Variants in RHOH observed in about 807,000 individuals in gnomAD.
RHOH encodes the protein ras homolog family member H, also known as rho-related GTP-binding protein RhoH.
A neutral mutation model predicts 13.8 loss-of-function variants in RHOH; 6 were observed. The observed-to-expected ratio is 0.44, with a 90% CI of 0.24 to 0.86. RHOH has a LOEUF of 0.86. Ranked by LOEUF, RHOH falls within the 40% of genes least tolerant of loss-of-function variation. RHOH has a pLI of 0.24. For synonymous variants in RHOH, 117 were observed against 103.0 expected (o/e 1.14, Z -0.82); for missense variants, 147 against 244.5 (o/e 0.60, Z 2.66).
At chr4:40,237,290 T>C (rs1479665311) in intron 1 of RHOH, among the ~76,000 whole-genome samples, 1 of 151,978 alleles carries the variant, frequency 6.6e-6, no homozygotes, top group Non-Finnish European at 1.5e-5. Context: ...CCTTCTCTAC[T>C]AAAAAATACA....
intron 1 of RHOH, among the ~76,000 whole-genome samples, chr4:40,197,830 T>C (rs996494503): frequency 6.6e-6 from 1 of 152,238 alleles, no homozygotes; most frequent in Non-Finnish European, 1.5e-5. Context: ...TTAATTAAAT[T>C]TAATCTTTCT....
upstream of RHOH, among the ~76,000 whole-genome samples, chr4:40,193,387 T>A (rs2109326201): frequency 6.6e-6 from 1 of 152,238 alleles, no homozygotes; most frequent in East Asian, 1.9e-4. Context: ...TGGGTGCGTG[T>A]ATGTCTGTGA....
At chr4:40,219,076 G>T (rs923039117) in intron 1 of RHOH, among the ~76,000 whole-genome samples, 2 of 152,120 alleles carry the variant, frequency 1.3e-5, no homozygotes, top group Admixed American at 1.3e-4. Flanking sequence ...AGTGAGAAAG[G>T]CATCATGGAG....
At chr4:40,201,958 T>TTTTTTTTTTTTTTTTTTTTG (rs1560682981) in intron 1 of RHOH, among the ~76,000 whole-genome samples, 1 of 150,646 alleles carries the variant, frequency 6.6e-6, no homozygotes, top group Non-Finnish European at 1.5e-5. Flanking sequence ...TTTTTTTTTT[T>TTTTTTTTTTTTTTTTTTTTG]TTTTTTTTTT....
chr4:40,234,166 A>G (rs1435961548), intron 1 of RHOH, among the ~76,000 whole-genome samples: 1 of 111,500 alleles, frequency 9.0e-6, no homozygotes, highest in Admixed American at 1.0e-4. Flanking sequence ...TGGATACCCA[A>G]CTGAGAAAAC....
At chr4:40,240,972 TATA>T (rs1421098357) in intron 1 of RHOH, among the ~76,000 whole-genome samples, 3 of 151,692 alleles carry the variant, frequency 2.0e-5, no homozygotes, top group African/African-American at 4.8e-5. Flanking sequence ...GCCTGAACAA[TATA>T]ATGAGACCCC....
chr4:40,203,043 C>T (rs1724204185), intron 1 of RHOH, among the ~76,000 whole-genome samples: 1 of 152,064 alleles, frequency 6.6e-6, no homozygotes, highest in African/African-American at 2.4e-5. Flanking sequence ...ATGATCTTGG[C>T]TCACTGCAAG....
At chr4:40,206,599 T>G (rs1724670911) in intron 1 of RHOH, among the ~76,000 whole-genome samples, 1 of 152,190 alleles carries the variant, frequency 6.6e-6, no homozygotes, top group Admixed American at 6.5e-5. Context: ...GAAAATTATA[T>G]CAATAGTAGT....
rs767409335 is a variant in RHOH at position 40,243,717 on chromosome 4, G to C, written c.331G>C (p.Val111Leu). 3.7e-6 allele frequency: 6 copies of C among 1,614,178 alleles called. No individual in the cohort carries two copies. Among genetic ancestry groups the C allele is most frequent in the Middle Eastern group, 1.6e-4 (1 of 6,062 alleles). ...TAGGAGCAACTTGCCCTGTACCCCT[G>C]TGCTGGTGGTGGCCACCCAGACTGA... The part of the protein sequence containing the change: ...EIRSNLPCTP[V>L]LVVATQTDQR... The change falls in exon 3 of 3, where the codon GTG becomes CTG. Residue 111 changes from valine (V) to leucine (L), a missense_variant. Val to Leu is a conservative substitution (Grantham distance 32, BLOSUM62 1). Around this residue, in one of 3 missense-constraint regions of RHOH, gnomAD observed 80 missense variants for 152.0 expected, o/e 0.53. Transcript: ENST00000381799. This position sits in a 1 kb window ranked among gnomAD's most constrained non-coding sequence, Gnocchi z 6.2.
intron 1 of RHOH, among the ~76,000 whole-genome samples, chr4:40,198,662 G>T (rs1180289908): frequency 6.6e-6 from 1 of 152,162 alleles, no homozygotes; most frequent in Non-Finnish European, 1.5e-5. Context: ...GGTTCGTGTG[G>T]CTCGGGGTAC....
intron 1 of RHOH, among the ~76,000 whole-genome samples, chr4:40,217,185 CG>C (rs1725991774): frequency 6.6e-6 from 1 of 152,124 alleles, no homozygotes; most frequent in African/African-American, 2.4e-5. Context: ...GCAGGAGGGT[CG>C]GGGTCTTGGA....
rs905668916 is a variant in RHOH, at chr4:40,218,437, A to G, written c.-331+21137A>G. ...CAGGGGCTACTGAACACAGTCTTGG[A>G]AATCAGACACGTGCTAGGGCCCCCT... On this transcript the variant is annotated intron_variant, in intron 1 of 2. Transcript: ENST00000381799. This position sits in a 1 kb window ranked among gnomAD's most constrained non-coding sequence, Gnocchi z 4.1. 4 of 152,240 alleles carry G rather than the reference A, an allele frequency of 2.6e-5. No homozygotes were observed. Among genetic ancestry groups the G allele is most frequent in the African/African-American group, 9.6e-5 (4 of 41,458 alleles). 9.4% of individuals were successfully genotyped at this position (152,240 alleles called of 1,614,324 possible).
At chr4:40,204,185 G>A (rs766880691) in intron 1 of RHOH, among the ~76,000 whole-genome samples, 2 of 152,158 alleles carry the variant, frequency 1.3e-5, no homozygotes, top group African/African-American at 4.8e-5. Flanking sequence ...CTTTCAAATA[G>A]CCTTCAATGT....
chr4:40,194,839 C>T (rs1265780127), upstream of RHOH, among the ~76,000 whole-genome samples: 7 of 152,186 alleles, frequency 4.6e-5, no homozygotes, highest in Admixed American at 2.6e-4. Context: ...GGAGGAACAG[C>T]GTAAGGAACC....
chr4:40,226,841 T>G (rs914191594), intron 1 of RHOH, among the ~76,000 whole-genome samples: 1 of 152,130 alleles, frequency 6.6e-6, no homozygotes, highest in Non-Finnish European at 1.5e-5. Flanking sequence ...GGAACAGGTG[T>G]TTAAAAAGTA....
At chr4:40,242,691 C>T (rs1414586138) in intron 1 of RHOH, 23 bp from the exon 2 acceptor site, 1 of 152,218 alleles carries the variant, frequency 6.6e-6, no homozygotes, top group Non-Finnish European at 1.5e-5. Context: ...ATCTGTCGCT[C>T]ATAACGTTCT....
intron 1 of RHOH, among the ~76,000 whole-genome samples, chr4:40,223,466 CT>C (rs36119984): frequency 0.52 from 49,253 of 94,492 alleles, 12,312 homozygotes; most frequent in Non-Finnish European, 0.6. Context: ...TGATTGTTAG[CT>C]TTTTTTTTTT....
intron 1 of RHOH, among the ~76,000 whole-genome samples, chr4:40,231,034 C>T (rs1235238654): frequency 1.3e-5 from 2 of 152,138 alleles, no homozygotes. Flanking sequence ...ACATGCGTAT[C>T]GTGGACACAT....
chr4:40,217,706 T>G (rs893283852), intron 1 of RHOH, among the ~76,000 whole-genome samples: 1 of 152,230 alleles, frequency 6.6e-6, no homozygotes, highest in Non-Finnish European at 1.5e-5. Context: ...GTGTGGCAGC[T>G]TGACTTGTAT....
Sources: allele counts gnomAD v4.1 joint callset (sites outside exome capture counted in the v4.1 genomes callset), GRCh38; gene constraint gnomAD v4.1.1; regional missense constraint gnomAD v4.1.1; non-coding constraint Gnocchi (gnomAD v3.1); transcripts MANE v1.5; gene names NCBI Gene and HGNC (gene_info 2026-07-23, HGNC 2026-07-21).